Variants in TNS1 observed in about 807,000 individuals in gnomAD.
TNS1 encodes the protein tensin 1, also known as tensin-1.
A neutral mutation model predicts 168.6 loss-of-function variants in TNS1; 62 were observed. That is an observed-to-expected ratio of 0.37 (90% CI 0.30 to 0.45). The LOEUF (loss-of-function observed/expected upper bound fraction) is 0.45. Ranked by LOEUF, TNS1 falls within the 20% of genes least tolerant of loss-of-function variation. TNS1 has a pLI of 1.00. For synonymous variants in TNS1, 934 were observed against 933.2 expected (o/e 1.00, Z -0.02); for missense variants, 2,240 against 2,339.4 (o/e 0.96, Z 0.88).
At chr2:217,854,562 A>G (rs538521460) in intron 18 of TNS1, among the ~76,000 whole-genome samples, 2 of 152,310 alleles carry the variant, frequency 1.3e-5, no homozygotes, top group East Asian at 3.9e-4. Context: ...CACCGTGCCT[A>G]CCCCAGACAT....
chr2:217,875,514 C>T (rs1448527470), intron 18 of TNS1, among the ~76,000 whole-genome samples: 1 of 152,198 alleles, frequency 6.6e-6, no homozygotes, highest in Non-Finnish European at 1.5e-5. Flanking sequence ...AAAAGAGTTA[C>T]CAGAGACACC....
At chr2:217,932,901 C>T (rs1300454670) in intron 3 of TNS1, among the ~76,000 whole-genome samples, 4 of 152,188 alleles carry the variant, frequency 2.6e-5, no homozygotes, top group African/African-American at 7.2e-5. Context: ...GCACAATTAG[C>T]GCGCATCGGG....
rs1368467590 is a variant in TNS1, at chr2:217,800,798, A to G, written c.*3661T>C. The G allele has an allele frequency of 6.6e-6, 1 of 152,160 alleles. No individual in the cohort carries two copies. The highest frequency in any genetic ancestry group is 2.4e-5 in the African/African-American group (1 of 41,394). 9.4% of individuals were successfully genotyped at this position (152,160 alleles called of 1,614,324 possible). A position where few individuals can be genotyped will look rare whatever the true frequency, so the allele number is the denominator to read the frequency against. ...GGAGGCAGGGGTGGTGGACAAAAGT[A>G]GGAGTGAGACTAAAAAGTGGGAGTG... On this transcript the variant is annotated 3_prime_UTR_variant, in exon 33 of 33. Transcript: ENST00000682258.
intron 3 of TNS1, among the ~76,000 whole-genome samples, chr2:217,923,000 C>T (rs1015846876): frequency 6.6e-6 from 1 of 152,162 alleles, no homozygotes; most frequent in Admixed American, 6.5e-5. Flanking sequence ...GGCACCCTGG[C>T]CCCTGGCCAC....
chr2:217,893,074 T>C (rs1951899852), intron 10 of TNS1, 62 bp from the exon 11 acceptor site: 1 of 1,593,070 alleles, frequency 6.3e-7, no homozygotes, highest in East Asian at 2.2e-5. Flanking sequence ...CCCCAGAGCT[T>C]ATCTAGAAGC....
chr2:217,897,744 A>T, intron 8 of TNS1, 54 bp downstream of exon 8: 1 of 1,503,344 alleles, frequency 6.7e-7, no homozygotes, highest in Non-Finnish European at 8.9e-7. Flanking sequence ...AGAGGTGGTG[A>T]GCAGATGGAA....
chr2:217,822,077 G>T (rs1574631792), intron 22 of TNS1, 139 bp from the exon 23 acceptor site: 1 of 922,262 alleles, frequency 1.1e-6, no homozygotes, highest in Non-Finnish European at 1.6e-6. Flanking sequence ...GACAGGCAGG[G>T]CTCCTGCCTG....
Position 217,810,339 on chromosome 2 carries a change from G to T in TNS1, c.5033-20C>A, listed in dbSNP as rs375343463. On this transcript the variant is annotated intron_variant, in intron 28 of 32. Coordinates refer to ENST00000682258, the MANE Select transcript of TNS1 (RefSeq NM_001387777.1). ...TGGGGTCTAAGACAAAAATTCAGTAGGAATTAAAACCCTAGAGCTGGAAAG... is the reference window on the plus strand; with the variant it reads ...TGGGGTCTAAGACAAAAATTCAGTATGAATTAAAACCCTAGAGCTGGAAAG... 4.2e-5 allele frequency: 68 copies of T among 1,613,560 alleles called. No individual in the cohort carries two copies. In the East Asian group the frequency reaches 8.7e-4, roughly 21 times the overall value.
chr2:217,831,597 G>C (rs762763316), intron 21 of TNS1, 50 bp from the exon 22 acceptor site: 80 of 1,392,208 alleles, frequency 5.7e-5, no homozygotes, highest in Middle Eastern at 4.0e-4. Context: ...GTGGGCAGGA[G>C]GGCAGACACG....
intron 3 of TNS1, among the ~76,000 whole-genome samples, chr2:217,978,101 G>A (rs1957939021): frequency 6.6e-6 from 1 of 152,140 alleles, no homozygotes; most frequent in Non-Finnish European, 1.5e-5. Context: ...ATCAGGGGCT[G>A]AGCCAGCCTG....
At chr2:217,936,835 T>G (rs1956633591) in intron 3 of TNS1, 1 of 431,150 alleles carries the variant, frequency 2.3e-6, no homozygotes, top group Non-Finnish European at 4.7e-6. Flanking sequence ...CTGAGAACTT[T>G]ACAAATAGCA....
chr2:217,976,452 G>A (rs936093077), intron 3 of TNS1, among the ~76,000 whole-genome samples: 8 of 152,324 alleles, frequency 5.3e-5, no homozygotes, highest in African/African-American at 1.9e-4. Flanking sequence ...CACCAGCTGG[G>A]TGGAGCGCTC....
intron 2 of TNS1, among the ~76,000 whole-genome samples, chr2:217,981,978 C>T (rs1008590203): frequency 7.9e-5 from 12 of 152,238 alleles, no homozygotes; most frequent in African/African-American, 2.9e-4. Flanking sequence ...CCCTCCCACA[C>T]TAAATAGGGC....
At chr2:217,942,808 A>C (rs1575123812) in intron 3 of TNS1, among the ~76,000 whole-genome samples, 2 of 137,862 alleles carry the variant, frequency 1.5e-5, no homozygotes, top group African/African-American at 5.5e-5. Flanking sequence ...TCTCCTCCCC[A>C]CCCAGCACCC....
At chr2:217,910,731 C>T (rs1954293491) in intron 4 of TNS1, among the ~76,000 whole-genome samples, 1 of 150,564 alleles carries the variant, frequency 6.6e-6, no homozygotes, top group Non-Finnish European at 1.5e-5. Flanking sequence ...CACACACACA[C>T]ACACACACAC....
At position 218,002,978 on chromosome 2, in the gene TNS1, C is replaced by A; in HGVS notation, c.-106G>T. 2.2e-6 allele frequency: 1 copy of A among 454,090 alleles called. No homozygotes were observed. Among genetic ancestry groups the A allele is most frequent in the Non-Finnish European group, 4.4e-6 (1 of 226,094 alleles). The allele number at this position is 454,090 out of a possible 1,614,324, so 28.1% of individuals were successfully genotyped here. On this transcript the variant is annotated 5_prime_UTR_variant, in exon 1 of 33. An upstream open reading frame in the 5' UTR gains an earlier in-frame stop. Coordinates refer to ENST00000682258, the MANE Select transcript of TNS1 (RefSeq NM_001387777.1). ...AGGGCTCTCTGAGTCCGCGGCTGCT[C>A]CGGCTCCGCCAGCATCTGCTGGGCC...
intron 1 of TNS1, among the ~76,000 whole-genome samples, chr2:217,998,221 G>GTCTCTCTCTCTC (rs60663810): frequency 0.028 from 4,165 of 149,500 alleles, 156 homozygotes; most frequent in African/African-American, 0.076. Flanking sequence ...CTCCATCAGT[G>GTCTCTCTCTCTC]TCTCTCTCTC....
rs1233699114 is a variant in TNS1, at chr2:217,803,902, G to T, written c.*557C>A. The T allele has an allele frequency of 6.4e-6, 1 of 155,060 alleles. No individual in the cohort carries two copies. Among genetic ancestry groups the T allele is most frequent in the Non-Finnish European group, 1.4e-5 (1 of 69,612 alleles). The allele number at this position is 155,060 out of a possible 1,614,324, so 9.6% of individuals were successfully genotyped here. On this transcript the variant is annotated 3_prime_UTR_variant, in exon 33 of 33. Transcript: ENST00000682258. Reference sequence around the variant, plus strand: ...CACACCCACACGACAATATAGTGGAGGCACAGCAAAGAGACCTGAGGTGCC... The same window carrying T: ...CACACCCACACGACAATATAGTGGATGCACAGCAAAGAGACCTGAGGTGCC...
chr2:217,953,025 G>A (rs1051020628), intron 3 of TNS1, among the ~76,000 whole-genome samples: 2 of 152,194 alleles, frequency 1.3e-5, no homozygotes, highest in African/African-American at 2.4e-5. Flanking sequence ...CCAGCCCAGC[G>A]CTCAGGCCTC....
Sources: gnomAD v4.1 joint callset for allele counts (sites outside exome capture counted in the v4.1 genomes callset) on GRCh38, gnomAD v4.1.1 for gene constraint, MANE v1.5 for transcripts, NCBI Gene and HGNC (gene_info 2026-07-23, HGNC 2026-07-21) for gene names.